Variants in TIAM1 observed in about 807,000 individuals in gnomAD.
The protein encoded by TIAM1 is rho guanine nucleotide exchange factor TIAM1.
In TIAM1, 65 loss-of-function variants were observed where a neutral mutation model predicts 163.5. The observed-to-expected ratio is 0.40, with a 90% CI of 0.33 to 0.49. The LOEUF is 0.49. Ranked by LOEUF, TIAM1 falls within the 20% of genes least tolerant of loss-of-function variation. The probability of loss-of-function intolerance (pLI) is 0.77; values close to 1 mark genes in which losing one functional copy is unlikely to be tolerated. For missense variants in TIAM1, 1,789 were observed against 2,044.7 expected, an observed-to-expected ratio of 0.87 and a Z score of 2.41; for synonymous variants, 833 against 810.1, an observed-to-expected ratio of 1.03 and a Z score of -0.48.
intron 1 of TIAM1, among the ~76,000 whole-genome samples, chr21:31,508,167 G>C (rs925319066): frequency 1.3e-5 from 2 of 152,034 alleles, no homozygotes; most frequent in African/African-American, 4.8e-5. Flanking sequence ...GAGTGAACGT[G>C]GCCCTGCTCA....
At chr21:31,532,244 A>T (rs1205438205) in intron 1 of TIAM1, among the ~76,000 whole-genome samples, 4 of 152,206 alleles carry the variant, frequency 2.6e-5, no homozygotes, top group Non-Finnish European at 5.9e-5. Flanking sequence ...GGAGGAGATT[A>T]CACAGAAGCA....
Position 31,397,901 on chromosome 21 carries a change from T to A in TIAM1, c.-368-58479A>T, listed in dbSNP as rs1252491511. Among the ~76,000 whole-genome samples the A allele has an allele frequency of 3.3e-5, 5 of 152,170 alleles. No homozygotes were observed. In the East Asian group the frequency reaches 9.6e-4, roughly 29 times the overall value. On this transcript the variant is annotated intron_variant, in intron 2 of 28. Coordinates refer to the TIAM1 transcript ENST00000286827. ...ACAGATAACAAAGGAACTTCAGAAT[T>A]CTTCCCTGCTACCTTGTAGAATGGA...
chr21:31,511,139 C>G (rs1361922843), intron 1 of TIAM1, among the ~76,000 whole-genome samples: 1 of 152,214 alleles, frequency 6.6e-6, no homozygotes, highest in Non-Finnish European at 1.5e-5. Context: ...CACCCTGAGT[C>G]TGGGCTTGTG....
At chr21:31,491,062 C>G (rs768023714) in intron 1 of TIAM1, among the ~76,000 whole-genome samples, 1 of 152,114 alleles carries the variant, frequency 6.6e-6, no homozygotes, top group Non-Finnish European at 1.5e-5. Flanking sequence ...CCTAGGGAGT[C>G]GGAGGTTGCC....
intron 14 of TIAM1, among the ~76,000 whole-genome samples, chr21:31,183,132 G>A (rs1400779238): frequency 6.6e-6 from 1 of 152,218 alleles, no homozygotes; most frequent in Non-Finnish European, 1.5e-5. Context: ...TATGAGGACA[G>A]AAGTAAGAAT....
chr21:31,268,941 G>A (rs2072922965), intron 3 of TIAM1, among the ~76,000 whole-genome samples: 1 of 152,114 alleles, frequency 6.6e-6, no homozygotes, highest in South Asian at 2.1e-4. Context: ...TAAAGACTTA[G>A]AACCAATGTT....
chr21:31,260,394 C>A (rs2017719), intron 4 of TIAM1, among the ~76,000 whole-genome samples: 4 of 151,428 alleles, frequency 2.6e-5, no homozygotes, highest in Admixed American at 2.6e-4. Flanking sequence ...CCCGCCACCA[C>A]GCCTGGCTAA....
intron 25 of TIAM1, among the ~76,000 whole-genome samples, chr21:31,129,351 C>G (rs1461113740): frequency 6.6e-6 from 1 of 152,214 alleles, no homozygotes; most frequent in East Asian, 1.9e-4. Context: ...TACCCAACAA[C>G]TCACTTCACT....
chr21:31,478,592 AT>A (rs1277789042), intron 1 of TIAM1, among the ~76,000 whole-genome samples: 1 of 152,212 alleles, frequency 6.6e-6, no homozygotes, highest in Admixed American at 6.5e-5. Flanking sequence ...CGTGTCCACA[AT>A]TTCAAAATAA....
chr21:31,532,928 A>T lies in TIAM1; in HGVS notation c.-422+25999T>A, dbSNP rs989257709. On this transcript the variant is annotated intron_variant, in intron 1 of 28. Coordinates refer to the TIAM1 transcript ENST00000286827. The stretch of plus-strand genomic sequence containing the variant: ...ACCACTACACTCCAGCCTGGGCAAC[A>T]AAGAGAAAAAAATAAATAAATATAC... Among the ~76,000 whole-genome samples the T allele has an allele frequency of 4.6e-5, 7 of 152,248 alleles. No homozygotes were observed. In the East Asian group the frequency reaches 1.3e-3, roughly 29 times the overall value.
Position 31,199,924 on chromosome 21 carries a change from AAC to A in TIAM1, c.2493+2982_2493+2983del, listed in dbSNP as rs71191193. Among the ~76,000 whole-genome samples, 758 of 151,144 alleles carry A rather than the reference AAC, an allele frequency of 5.0e-3. 13 individuals carry two copies. The highest frequency in any genetic ancestry group is 0.017 in the African/African-American group (706 of 40,890). On this transcript the variant is annotated intron_variant, in intron 12 of 27. Transcript: ENST00000541036. ...GAACATCACATTAAAAAAAAAAAAA[AAC>A]ACACAAAAAATAAATAAAATAAAAT...
intron 12 of TIAM1, among the ~76,000 whole-genome samples, chr21:31,197,908 G>A (rs1221218643): frequency 4.6e-5 from 7 of 152,170 alleles, no homozygotes; most frequent in East Asian, 1.9e-4. Flanking sequence ...ACTACACTAC[G>A]ATGCCTCCCA....
chr21:31,403,184 G>C (rs758543918), intron 2 of TIAM1, among the ~76,000 whole-genome samples: 50 of 152,248 alleles, frequency 3.3e-4, no homozygotes, highest in African/African-American at 1.2e-3. Flanking sequence ...GTCTTGCTCT[G>C]TCATCCAGGC....
At chr21:31,142,864 G>C (rs2082920181) in intron 20 of TIAM1, among the ~76,000 whole-genome samples, 1 of 152,088 alleles carries the variant, frequency 6.6e-6, no homozygotes, top group Admixed American at 6.5e-5. Flanking sequence ...CAGTGTCCCA[G>C]CTGGTTTGGG....
intron 19 of TIAM1, 62 bp from the exon 20 acceptor site, chr21:31,147,065 G>A (rs1353465085): frequency 2.8e-6 from 4 of 1,433,960 alleles, no homozygotes; most frequent in East Asian, 4.6e-5. Flanking sequence ...ATATCAGCAG[G>A]TTATGGCAGG....
chr21:31,518,706 C>T (rs1444268649), intron 1 of TIAM1, among the ~76,000 whole-genome samples: 2 of 152,086 alleles, frequency 1.3e-5, no homozygotes, highest in Non-Finnish European at 2.9e-5. Context: ...ACTGTAAGCA[C>T]AGGAATGCTT....
intron 2 of TIAM1, among the ~76,000 whole-genome samples, chr21:31,298,799 TGAGAGAGAGA>T (rs72318608): frequency 7.7e-5 from 10 of 130,048 alleles, no homozygotes; most frequent in East Asian, 2.2e-4. Flanking sequence ...AAAAAAACAA[TGAGAGAGAGA>T]GAGAGAGAGA....
chr21:31,386,690 A>G (rs933652215), intron 2 of TIAM1, among the ~76,000 whole-genome samples: 10 of 152,202 alleles, frequency 6.6e-5, no homozygotes, highest in African/African-American at 2.4e-4. Flanking sequence ...CATGTGCCAC[A>G]GGTATGGCCC....
chr21:31,325,325 A>G (rs2075450268), intron 2 of TIAM1, among the ~76,000 whole-genome samples: 1 of 151,554 alleles, frequency 6.6e-6, no homozygotes, highest in African/African-American at 2.4e-5. Context: ...TCATACTACT[A>G]GAGAAGAATC....
Sources: gnomAD v4.1 joint callset for allele counts (sites outside exome capture counted in the v4.1 genomes callset) on GRCh38, gnomAD v4.1.1 for gene constraint, MANE v1.5 for transcripts, NCBI Gene and HGNC (gene_info 2026-07-23, HGNC 2026-07-21) for gene names.